The following PAQR3 variants were observed in gnomAD, a reference collection of about 807,000 sequenced individuals.
PAQR3 encodes Raf kinase trapping to Golgi.
Under a neutral mutation model 41.7 loss-of-function variants are expected in PAQR3, and 39 were observed. The observed-to-expected ratio is 0.93, with a 90% CI of 0.72 to 1.22. The LOEUF (loss-of-function observed/expected upper bound fraction) is 1.22. Among genes scored for constraint, PAQR3 ranks in the 50% most tolerant of loss-of-function variants. The probability of loss-of-function intolerance (pLI) is 0.00; values close to 1 mark genes in which losing one functional copy is unlikely to be tolerated. For missense variants in PAQR3, 366 were observed against 385.6 expected (o/e 0.95, Z 0.42); for synonymous variants, 140 against 140.6 (o/e 1.00, Z 0.03).
intron 11 of PAQR3, among the ~76,000 whole-genome samples, chr4:78,903,111 TATGCCATACAATACC>T (rs1049249904): frequency 2.1e-4 from 32 of 152,030 alleles, no homozygotes; most frequent in Non-Finnish European, 7.4e-5. Flanking sequence ...TATTGTATTG[TATGCCATACAATACC>T]TTGCTGAATG....
intron 5 of PAQR3, among the ~76,000 whole-genome samples, chr4:78,921,081 AC>A (rs1309310097): frequency 6.6e-6 from 1 of 151,980 alleles, no homozygotes; most frequent in Non-Finnish European, 1.5e-5. Flanking sequence ...AAGGAGATAT[AC>A]TGCTGGGTTT....
At chr4:78,906,063 G>C (rs1200339963) in intron 11 of PAQR3, 1 of 151,984 alleles carries the variant, frequency 6.6e-6, no homozygotes, top group Non-Finnish European at 1.5e-5. Flanking sequence ...GTAGTTTCAT[G>C]ATGAATAGAT....
chr4:78,918,026 A>T lies in PAQR3; in HGVS notation c.*2513T>A. On this transcript the variant is annotated 3_prime_UTR_variant, in exon 6 of 6. Coordinates refer to ENST00000512733, the MANE Select transcript of PAQR3 (RefSeq NM_001040202.2). ...AGTTAGTGTAATAACAAAAAAAGACAAGCACTGTCTTGCTATTTGAAAATG... is the reference window on the plus strand; with the variant it reads ...AGTTAGTGTAATAACAAAAAAAGACTAGCACTGTCTTGCTATTTGAAAATG... The T allele has an allele frequency of 1.0e-6, 1 of 981,376 alleles. No homozygotes were observed. Among genetic ancestry groups the T allele is most frequent in the Non-Finnish European group, 1.2e-6 (1 of 825,946 alleles). 60.8% of individuals were successfully genotyped at this position (981,376 alleles called of 1,614,324 possible). A position where few individuals can be genotyped will look rare whatever the true frequency, so the allele number is the denominator to read the frequency against.
chr4:78,901,341 A>G (rs1733996499), intron 11 of PAQR3, among the ~76,000 whole-genome samples: 1 of 152,112 alleles, frequency 6.6e-6, no homozygotes, highest in Admixed American at 6.6e-5. Flanking sequence ...GATTACAGGC[A>G]AGAGCCATTG....
chr4:78,919,358 T>G lies in PAQR3; in HGVS notation c.*1181A>C. On this transcript the variant is annotated 3_prime_UTR_variant, in exon 6 of 6. Transcript: ENST00000512733. ...CTTTAAGGGATTTAACTAATGCATA[T>G]GAAAGACCAAAGAATAAGAGGGCTA... is the stretch of plus-strand genomic sequence containing the variant. 2 of 983,872 alleles carry G rather than the reference T, an allele frequency of 2.0e-6. No homozygotes were observed. The highest frequency in any genetic ancestry group is 2.4e-6 in the Non-Finnish European group (2 of 828,654). The allele number at this position is 983,872 out of a possible 1,614,324, so 60.9% of individuals were successfully genotyped here.
rs765519961 is a variant in PAQR3, at chr4:78,919,258, CTCA to C, written c.*1278_*1280del. The C allele has an allele frequency of 3.5e-5, 34 of 984,132 alleles. No individual in the cohort carries two copies. The highest frequency in any genetic ancestry group is 5.3e-5 in the African/African-American group (3 of 57,124). 61.0% of individuals were successfully genotyped at this position (984,132 alleles called of 1,614,324 possible). A position where few individuals can be genotyped will look rare whatever the true frequency, so the allele number is the denominator to read the frequency against. On this transcript the variant is annotated 3_prime_UTR_variant, in exon 6 of 6. Coordinates refer to ENST00000512733, the MANE Select transcript of PAQR3 (RefSeq NM_001040202.2). ...GAAAATACACCAGTATTTAAAACAG[CTCA>C]TGTCAACTCATGAAGAAACTTGGGT...
At position 78,939,340 on chromosome 4, in the gene PAQR3, C is replaced by G; in HGVS notation, c.-116G>C. ...GGAGCCCGCGGACGCTGCGCGAGGT[C>G]CTACCGCGCTGCCGCTGCTGCCCAG... is the stretch of plus-strand genomic sequence containing the variant. On this transcript the variant is annotated 5_prime_UTR_variant, in exon 1 of 6. Coordinates refer to ENST00000512733, the MANE Select transcript of PAQR3 (RefSeq NM_001040202.2). 2.1e-6 allele frequency: 2 copies of G among 938,546 alleles called. No individual in the cohort carries two copies. Among genetic ancestry groups the G allele is most frequent in the Non-Finnish European group, 2.9e-6 (2 of 689,548 alleles). The allele number at this position is 938,546 out of a possible 1,614,324, so 58.1% of individuals were successfully genotyped here.
Position 78,939,049 on chromosome 4 carries a change from C to G in PAQR3, c.176G>C (p.Cys59Ser). The G allele has an allele frequency of 6.2e-7, 1 of 1,604,298 alleles. No individual in the cohort carries two copies. The highest frequency in any genetic ancestry group is 8.5e-7 in the Non-Finnish European group (1 of 1,173,078). ...GGCAGCCAGACCGTACCTTTTGATACACAGCCTGGACGGCAGGTAGGCCCG... is the reference window on the plus strand; with the variant it reads ...GGCAGCCAGACCGTACCTTTTGATAGACAGCCTGGACGGCAGGTAGGCCCG... ...GYRAYLPSRLCIKSLFILSNE... is the reference protein window; with the variant it reads ...GYRAYLPSRLSIKSLFILSNE... Residue 59 changes from cysteine to serine, a missense_variant, in exon 1 of 6, where the codon TGT becomes TCT. Transcript: ENST00000512733.
At position 78,918,323 on chromosome 4, in the gene PAQR3, TTAA is replaced by T. The variant is rs1735297438; in HGVS notation, c.*2213_*2215del. On this transcript the variant is annotated 3_prime_UTR_variant, in exon 6 of 6. Transcript: ENST00000512733. ...TTTGTAGACAACTTTAAAATATTTT[TTAA>T]TGTTAACAATGTCTTCAAAATTTTA... 2 of 973,866 alleles carry T rather than the reference TTAA, an allele frequency of 2.1e-6. No homozygotes were observed. The highest frequency in any genetic ancestry group is 5.3e-4 in the Middle Eastern group (1 of 1,880). The allele number at this position is 973,866 out of a possible 1,614,324, so 60.3% of individuals were successfully genotyped here.
intron 3 of PAQR3, among the ~76,000 whole-genome samples, chr4:78,928,639 G>A (rs1218393658): frequency 1.3e-5 from 2 of 152,172 alleles, no homozygotes; most frequent in East Asian, 3.8e-4. Context: ...TGGGGACTGT[G>A]CCTTAGAGCA....
At chr4:78,911,771 A>T (rs769857473), downstream of PAQR3, 6 of 1,614,002 alleles carry the variant, frequency 3.7e-6, no homozygotes, top group Non-Finnish European at 2.5e-6. Flanking sequence ...AAGCCCTTCC[A>T]TTCTCCAGAC....
At chr4:78,911,820 C>T, downstream of PAQR3, 1 of 1,613,948 alleles carries the variant, frequency 6.2e-7, no homozygotes, top group Non-Finnish European at 8.5e-7. Flanking sequence ...TGAGCGACAT[C>T]CGTGCTGATC....
At position 78,914,367 on chromosome 4, in the gene PAQR3, A is replaced by C. The variant is rs1398828928; in HGVS notation, c.*6172T>G. Reference sequence around the variant, plus strand: ...CACAGCACAGTGACTTTCTTCTTTCAAGATTGTAGCTCAGAGAAAAGATAC... The same window carrying C: ...CACAGCACAGTGACTTTCTTCTTTCCAGATTGTAGCTCAGAGAAAAGATAC... On this transcript the variant is annotated 3_prime_UTR_variant, in exon 6 of 6. Coordinates refer to ENST00000512733, the MANE Select transcript of PAQR3 (RefSeq NM_001040202.2). 1 of 152,064 alleles carries C rather than the reference A, an allele frequency of 6.6e-6. No homozygotes were observed. Among genetic ancestry groups the C allele is most frequent in the Non-Finnish European group, 1.5e-5 (1 of 67,942 alleles). The allele number at this position is 152,064 out of a possible 1,614,324, so 9.4% of individuals were successfully genotyped here.
chr4:78,913,302 G>A lies in PAQR3; in HGVS notation c.*7237C>T, dbSNP rs540979975. 1 of 152,208 alleles carries A rather than the reference G, an allele frequency of 6.6e-6. No homozygotes were observed. Among genetic ancestry groups the A allele is most frequent in the South Asian group, 2.1e-4 (1 of 4,814 alleles). 9.4% of individuals were successfully genotyped at this position (152,208 alleles called of 1,614,324 possible). ...CATCTTAATTCTGCTAGTTGATTGTGTCTTTACTGAAAAGAACCCAGCTAC... is the reference window on the plus strand; with the variant it reads ...CATCTTAATTCTGCTAGTTGATTGTATCTTTACTGAAAAGAACCCAGCTAC... On this transcript the variant is annotated 3_prime_UTR_variant, in exon 6 of 6. Coordinates refer to ENST00000512733, the MANE Select transcript of PAQR3 (RefSeq NM_001040202.2).
At position 78,939,347 on chromosome 4, in the gene PAQR3, C is replaced by A. The variant is rs1332609637; in HGVS notation, c.-123G>T. 5 of 831,448 alleles carry A rather than the reference C, an allele frequency of 6.0e-6. No individual in the cohort carries two copies. The African/African-American group carries it at 9.2e-5, about 15-fold the overall frequency. 51.5% of individuals were successfully genotyped at this position (831,448 alleles called of 1,614,324 possible). On this transcript the variant is annotated 5_prime_UTR_variant, in exon 1 of 6. Transcript: ENST00000512733. ...GCGGACGCTGCGCGAGGTCCTACCG[C>A]GCTGCCGCTGCTGCCCAGGGCCCGG...
In PAQR3 at chr4:78,898,657, CA is replaced by C. The variant is rs76934935; in HGVS notation, c.*836+7450del. Among the ~76,000 whole-genome samples the C allele has an allele frequency of 8.2e-3, 993 of 120,966 alleles. 5 individuals carry two copies. Among genetic ancestry groups the C allele is most frequent in the African/African-American group, 0.021 (699 of 32,880 alleles). The allele number at this position is 120,966 out of a possible 152,430, so 79.4% of individuals were successfully genotyped here. A position where few individuals can be genotyped will look rare whatever the true frequency, so the allele number is the denominator to read the frequency against. ...TGGGCGACAGAGCGAGACTCCATCT[CA>C]AAAAAAAAAAAAGACCATTGCTCCT... is the stretch of plus-strand genomic sequence containing the variant. On this transcript the variant is annotated intron_variant and NMD_transcript_variant, in intron 11 of 12. Coordinates refer to the PAQR3 transcript ENST00000342820.
chr4:78,889,591 T>C, intron 11 of PAQR3, among the ~76,000 whole-genome samples: 1 of 152,210 alleles, frequency 6.6e-6, no homozygotes, highest in Admixed American at 6.5e-5. Context: ...GAAACAAGAA[T>C]TAACCTCCCT....
At chr4:78,910,186 C>T (rs1734510675), downstream of PAQR3, among the ~76,000 whole-genome samples, 1 of 151,276 alleles carries the variant, frequency 6.6e-6, no homozygotes, top group African/African-American at 2.4e-5. Flanking sequence ...GCTGTTCATG[C>T]TTGTTGATCT....
At chr4:78,910,900 A>C (rs532081102), downstream of PAQR3, 16 of 1,614,012 alleles carry the variant, frequency 9.9e-6, no homozygotes, top group Admixed American at 1.7e-4. Flanking sequence ...TCTGGGTCAT[A>C]GGCCTCTCCT....
Sources: allele counts gnomAD v4.1 joint callset (sites outside exome capture counted in the v4.1 genomes callset), GRCh38; gene constraint gnomAD v4.1.1; transcripts MANE v1.5; gene names NCBI Gene and HGNC (gene_info 2026-07-23, HGNC 2026-07-21).